The following SDC1 variants were observed in gnomAD, a reference collection of about 807,000 sequenced individuals.
The protein encoded by SDC1 is syndecan 1.
Under a neutral mutation model 29.7 loss-of-function variants are expected in SDC1, and 14 were observed. The observed-to-expected ratio is 0.47, with a 90% CI of 0.31 to 0.74. SDC1 has a LOEUF of 0.74. SDC1 is among the 30% of genes least tolerant of loss of function. The pLI is 0.05. For missense variants in SDC1, 406 were observed against 400.3 expected, an observed-to-expected ratio of 1.01 and a Z score of -0.12; for synonymous variants, 204 against 175.5, an observed-to-expected ratio of 1.16 and a Z score of -1.29.
At chr2:20,223,148 T>G in intron 1 of SDC1, 1 of 827,814 alleles carries the variant, frequency 1.2e-6, no homozygotes, top group African/African-American at 1.8e-5. Flanking sequence ...CATTCACAGT[T>G]CAATAGGCAC....
chr2:20,220,793 C>A (rs1462356781), intron 1 of SDC1, among the ~76,000 whole-genome samples: 1 of 152,214 alleles, frequency 6.6e-6, no homozygotes, highest in Non-Finnish European at 1.5e-5. Flanking sequence ...AATCCAAAGC[C>A]ATTTCTGGCC....
intron 1 of SDC1, among the ~76,000 whole-genome samples, chr2:20,209,404 C>A (rs1677389549): frequency 6.6e-6 from 1 of 152,220 alleles, no homozygotes; most frequent in Non-Finnish European, 1.5e-5. Flanking sequence ...CCCAGCCCTA[C>A]CAGTTGACCC....
rs540428508 is a variant in SDC1 at position 20,222,528 on chromosome 2, A to G, written c.66+2274T>C. ...CACCTAAGCTTCAAGCCAGAGTCTG[A>G]CCCCAAAGCTCAGGTGGGGCTTTCA... is the stretch of plus-strand genomic sequence containing the variant. On this transcript the variant is annotated intron_variant, in intron 1 of 4. Transcript: ENST00000254351. Among the ~76,000 whole-genome samples the G allele has an allele frequency of 2.0e-5, 3 of 152,162 alleles. No homozygotes were observed. The East Asian group carries it at 5.8e-4, about 29-fold the overall frequency.
At chr2:20,203,669 G>T in intron 3 of SDC1, 144 bp downstream of exon 3, 1 of 686,716 alleles carries the variant, frequency 1.5e-6, no homozygotes. Flanking sequence ...GCGAGGCCCT[G>T]GGGGTAGGGG....
chr2:20,217,772 C>T (rs971364867), intron 1 of SDC1, among the ~76,000 whole-genome samples: 7 of 152,182 alleles, frequency 4.6e-5, no homozygotes, highest in Admixed American at 4.6e-4. Flanking sequence ...TCAACATGCC[C>T]GCCTTCCCCA....
Position 20,203,212 on chromosome 2 carries a change from A to G in SDC1, c.638T>C (p.Phe213Ser). Reference sequence around the variant, plus strand: ...AGCCGTATTCTCCCCCGAGGTTTCAAAGGTGAAGTCCTGTGGGAGGGCAGG... The same window carrying G: ...AGCCGTATTCTCCCCCGAGGTTTCAGAGGTGAAGTCCTGTGGGAGGGCAGG... ...AEGSGEQDFT[F>S]ETSGENTAVV... is the part of the protein sequence containing the mutation. Residue 213 changes from phenylalanine to serine, a missense_variant, in exon 4 of 5, where the codon TTT (phenylalanine) becomes TCT (serine). Transcript: ENST00000254351. 6.2e-7 allele frequency: 1 copy of G among 1,607,396 alleles called. No homozygotes were observed. The highest frequency in any genetic ancestry group is 2.2e-5 in the East Asian group (1 of 44,640).
At chr2:20,223,340 T>C in intron 1 of SDC1, 1 of 1,255,374 alleles carries the variant, frequency 8.0e-7, no homozygotes. Context: ...AGGCAACGCT[T>C]ACGGAGGGTC....
intron 1 of SDC1, among the ~76,000 whole-genome samples, chr2:20,209,284 G>C (rs1007412624): frequency 2.6e-5 from 4 of 152,214 alleles, no homozygotes; most frequent in Non-Finnish European, 5.9e-5. Context: ...GTCTCTAGCA[G>C]ATAAGGACTA....
intron 1 of SDC1, among the ~76,000 whole-genome samples, chr2:20,209,378 C>T (rs1572465367): frequency 6.6e-6 from 1 of 152,326 alleles, no homozygotes; most frequent in East Asian, 1.9e-4. Flanking sequence ...CCTCACCTGC[C>T]ATCCCCTTCT....
At chr2:20,218,527 A>G (rs3771231) in intron 1 of SDC1, among the ~76,000 whole-genome samples, 48,297 of 148,034 alleles carry the variant, frequency 0.33, 7,839 homozygotes, top group Middle Eastern at 0.39. Flanking sequence ...CCACACACAC[A>G]GACACACACA....
Position 20,203,794 on chromosome 2 carries a change from G to A in SDC1, c.627+19C>T. On this transcript the variant is annotated intron_variant, in intron 3 of 4. Coordinates refer to ENST00000254351, the MANE Select transcript of SDC1 (RefSeq NM_002997.5). Reference sequence around the variant, plus strand: ...GGACCAACCCACTCAATTTCCCAAGGAATGCAGAGGCCACTCACCTGCTCC... The same window carrying A: ...GGACCAACCCACTCAATTTCCCAAGAAATGCAGAGGCCACTCACCTGCTCC... 6.5e-7 allele frequency: 1 copy of A among 1,527,448 alleles called. No individual in the cohort carries two copies. Among genetic ancestry groups the A allele is most frequent in the African/African-American group, 1.4e-5 (1 of 71,584 alleles). 94.6% of individuals were successfully genotyped at this position (1,527,448 alleles called of 1,614,324 possible).
intron 1 of SDC1, chr2:20,208,076 G>A (rs1274953761): frequency 1.9e-5 from 19 of 985,314 alleles, no homozygotes; most frequent in Non-Finnish European, 2.2e-5. Context: ...GTAGAGTGCC[G>A]AATCTTTCAG....
chr2:20,202,763 G>A lies in SDC1; in HGVS notation c.*3C>T, dbSNP rs1052061500. On this transcript the variant is annotated 3_prime_UTR_variant, in exon 5 of 5. Coordinates refer to ENST00000254351, the MANE Select transcript of SDC1 (RefSeq NM_002997.5). The stretch of plus-strand genomic sequence containing the variant: ...AGGGCGGAGGGGGCGCATGGCTCCC[G>A]CGTCAGGCATAGAATTCCTCCTGTT... 34 of 1,596,218 alleles carry A rather than the reference G, an allele frequency of 2.1e-5. No homozygotes were observed. Among genetic ancestry groups the A allele is most frequent in the Middle Eastern group, 1.7e-4 (1 of 5,984 alleles).
Position 20,201,933 on chromosome 2 carries a change from G to A in SDC1, c.*833C>T, listed in dbSNP as rs574584704. The A allele has an allele frequency of 1.7e-3, 451 of 263,986 alleles. No homozygotes were observed. The highest frequency in any genetic ancestry group is 8.8e-3 in the African/African-American group (390 of 44,348). The allele number at this position is 263,986 out of a possible 1,614,324, so 16.4% of individuals were successfully genotyped here. On this transcript the variant is annotated 3_prime_UTR_variant, in exon 5 of 5. Coordinates refer to ENST00000254351, the MANE Select transcript of SDC1 (RefSeq NM_002997.5). ...ACAGGCACGACTGCTTGAAAGAGGC[G>A]GCGGCCCCACGGCAGCCTGGACTGG...
intron 1 of SDC1, among the ~76,000 whole-genome samples, chr2:20,218,636 CACAG>C (rs1453200491): frequency 6.8e-6 from 1 of 146,442 alleles, no homozygotes; most frequent in East Asian, 1.9e-4. Flanking sequence ...CACATAAACA[CACAG>C]ACACACACAC....
At position 20,225,001 on chromosome 2, in the gene SDC1, G is replaced by A. The variant is rs1045094821; in HGVS notation, c.-134C>T. On this transcript the variant is annotated 5_prime_UTR_variant, in exon 1 of 5. Coordinates refer to ENST00000254351, the MANE Select transcript of SDC1 (RefSeq NM_002997.5). ...CGCTGTCCCAGGCGAGGGCTGCAGG[G>A]TCCGCCGGCTGGAGTCCGCTCTCTA... The A allele has an allele frequency of 1.8e-6, 2 of 1,109,650 alleles. No homozygotes were observed. The highest frequency in any genetic ancestry group is 1.1e-6 in the Non-Finnish European group (1 of 894,800). 68.7% of individuals were successfully genotyped at this position (1,109,650 alleles called of 1,614,324 possible).
At position 20,217,794 on chromosome 2, in the gene SDC1, T is replaced by C. The variant is rs566636216; in HGVS notation, c.66+7008A>G. On this transcript the variant is annotated intron_variant, in intron 1 of 4. Transcript: ENST00000254351. ...GCCCGCCTTCCCCACTGCCCCAACC[T>C]GCCCGCCACAGCCTTCATTCCTGCT... Among the ~76,000 whole-genome samples, 751 of 152,272 alleles carry C rather than the reference T, an allele frequency of 4.9e-3. 4 individuals are homozygous for C. Among genetic ancestry groups the C allele is most frequent in the Non-Finnish European group, 6.5e-3 (441 of 68,022 alleles).
chr2:20,203,847 C>A lies in SDC1; in HGVS notation c.593G>T (p.Ser198Ile). Reference sequence around the variant, plus strand: ...AGAGCCCTCTGCTGCTGGGAGCTGACTGGAGGCTCCATCCTCAGCAGCCCT... The same window carrying A: ...AGAGCCCTCTGCTGCTGGGAGCTGAATGGAGGCTCCATCCTCAGCAGCCCT... ...TERAAEDGAS[S>I]QLPAAEGSGE... is the part of the protein sequence containing the mutation. The change falls in exon 3 of 5, where the codon AGT (serine) becomes ATT (isoleucine). Residue 198 changes from serine (S) to isoleucine (I), a missense_variant. Coordinates refer to ENST00000254351, the MANE Select transcript of SDC1 (RefSeq NM_002997.5). 1 of 1,603,964 alleles carries A rather than the reference C, an allele frequency of 6.2e-7. No individual in the cohort carries two copies. Among genetic ancestry groups the A allele is most frequent in the South Asian group, 1.1e-5 (1 of 90,778 alleles).
intron 1 of SDC1, chr2:20,223,380 A>C: frequency 2.0e-6 from 2 of 1,012,878 alleles, no homozygotes; most frequent in African/African-American, 1.7e-5. Flanking sequence ...CAGATGCCAC[A>C]TTAGCAGTGG....
Sources: gnomAD v4.1 joint callset for allele counts (sites outside exome capture counted in the v4.1 genomes callset) on GRCh38, gnomAD v4.1.1 for gene constraint, MANE v1.5 for transcripts, NCBI Gene and HGNC (gene_info 2026-07-23, HGNC 2026-07-21) for gene names.